Variants in COL28A1 observed in about 807,000 individuals in gnomAD.
COL28A1 encodes the protein collagen type XXVIII alpha 1 chain.
A neutral mutation model predicts 150.2 loss-of-function variants in COL28A1; 161 were observed. That is an observed-to-expected ratio of 1.07 (90% confidence interval 0.94 to 1.22). The LOEUF (loss-of-function observed/expected upper bound fraction) is 1.22, where lower values mean the gene tolerates loss of function less well. Among genes scored for constraint, COL28A1 ranks in the 50% most tolerant of loss-of-function variants. The probability of loss-of-function intolerance (pLI) is 0.00; values close to 1 mark genes in which losing one functional copy is unlikely to be tolerated. For synonymous variants in COL28A1, 552 were observed against 469.7 expected (o/e 1.18, Z -2.26); for missense variants, 1,617 against 1,388.3 (o/e 1.16, Z -2.62).
chr7:7,339,246 A>C, the COL28A1 span, among the ~76,000 whole-genome samples: 1 of 152,164 alleles, frequency 6.6e-6, no homozygotes, highest in Non-Finnish European at 1.5e-5. Flanking sequence ...TCCCAGCTAA[A>C]TTAATTGAAA....
At chr7:7,387,482 T>C (rs752685184) in intron 27 of COL28A1, among the ~76,000 whole-genome samples, 2 of 152,170 alleles carry the variant, frequency 1.3e-5, no homozygotes, top group Non-Finnish European at 2.9e-5. Context: ...TGTACTGTGT[T>C]ATATAAGAGA....
At chr7:7,387,828 G>T (rs1042521232) in intron 27 of COL28A1, among the ~76,000 whole-genome samples, 7 of 152,134 alleles carry the variant, frequency 4.6e-5, no homozygotes, top group African/African-American at 1.7e-4. Flanking sequence ...AAGCATATGA[G>T]TATACAGGTA....
chr7:7,371,760 G>C (rs534609218), intron 32 of COL28A1, among the ~76,000 whole-genome samples: 1 of 152,328 alleles, frequency 6.6e-6, no homozygotes, highest in South Asian at 2.1e-4. Flanking sequence ...GTAAATATCA[G>C]TTAATGTGAA....
Position 7,532,782 on chromosome 7 carries a change from T to G in COL28A1, c.94A>C (p.Asn32His). ...ACATCACTTTTCCTTGCAAGCAAAT[T>G]TGATTTTGGTCCTTTCTTTCTTTGT... ...SGQRKKGPKS[N>H]LLARKSDVQG... Residue 32 changes from asparagine to histidine, a missense_variant, in exon 2 of 35, where the codon AAT (asparagine) becomes CAT (histidine). Transcript: ENST00000399429. 2 of 1,611,830 alleles carry G rather than the reference T, an allele frequency of 1.2e-6. No individual in the cohort carries two copies. Among genetic ancestry groups the G allele is most frequent in the Non-Finnish European group, 1.7e-6 (2 of 1,179,180 alleles).
chr7:7,511,798 T>C, intron 8 of COL28A1: 1 of 471,078 alleles, frequency 2.1e-6, no homozygotes, highest in Non-Finnish European at 4.4e-6. Context: ...GCATGCTACA[T>C]ATTTTTCATT....
intron 13 of COL28A1, among the ~76,000 whole-genome samples, chr7:7,488,198 T>A (rs1017870655): frequency 6.6e-6 from 1 of 152,250 alleles, no homozygotes; most frequent in African/African-American, 2.4e-5. Context: ...TAGTGGTTTA[T>A]CTTTAATGGT....
chr7:7,338,394 T>C, the COL28A1 span, among the ~76,000 whole-genome samples: 1 of 152,144 alleles, frequency 6.6e-6, no homozygotes, highest in African/African-American at 2.4e-5. Context: ...TCGTTCTCCT[T>C]GTAAAGATCT....
In COL28A1 at chr7:7,437,353, A is replaced by T. The variant is rs1370861763; in HGVS notation, c.1791+41T>A. ...CATGATTTTTTTTTCTCCAACTGCC[A>T]AAGGGTCAAGAAAAAGAAAATAATC... On this transcript the variant is annotated intron_variant, in intron 22 of 34. Coordinates refer to ENST00000399429, the MANE Select transcript of COL28A1 (RefSeq NM_001037763.3). 9.5e-6 allele frequency: 15 copies of T among 1,575,380 alleles called. No homozygotes were observed. In the East Asian group the frequency reaches 3.4e-4, roughly 36 times the overall value.
At chr7:7,429,342 G>A (rs1279147379) in intron 25 of COL28A1, among the ~76,000 whole-genome samples, 1 of 152,006 alleles carries the variant, frequency 6.6e-6, no homozygotes, top group Admixed American at 6.6e-5. Context: ...ACTTTACCAA[G>A]CAAGAAGGGC....
chr7:7,514,841 G>C (rs1334268495), intron 8 of COL28A1, among the ~76,000 whole-genome samples: 1 of 152,036 alleles, frequency 6.6e-6, no homozygotes, highest in Non-Finnish European at 1.5e-5. Flanking sequence ...CCCGCTACAT[G>C]ACCTCTCCTG....
intron 15 of COL28A1, among the ~76,000 whole-genome samples, chr7:7,474,047 CTATA>C (rs1322074985): frequency 7.5e-6 from 1 of 133,884 alleles, no homozygotes; most frequent in East Asian, 2.1e-4. Flanking sequence ...TATATATATA[CTATA>C]TACTCTATAT....
chr7:7,388,477 G>T (rs1370962711), intron 27 of COL28A1, among the ~76,000 whole-genome samples: 2 of 152,144 alleles, frequency 1.3e-5, no homozygotes, highest in Non-Finnish European at 2.9e-5. Context: ...ACATGTGGGT[G>T]CATGTGTCTT....
At chr7:7,380,717 A>G (rs746709795) in intron 29 of COL28A1, 22 bp from the exon 30 acceptor site, 2 of 1,613,488 alleles carry the variant, frequency 1.2e-6, no homozygotes, top group East Asian at 2.2e-5. Flanking sequence ...AAGAAGAGTA[A>G]AAGTCAATAT....
At chr7:7,457,214 G>A (rs1481251292) in intron 15 of COL28A1, among the ~76,000 whole-genome samples, 1 of 152,116 alleles carries the variant, frequency 6.6e-6, no homozygotes, top group Non-Finnish European at 1.5e-5. Context: ...GGAAGTGAGA[G>A]ATCTGACTTG....
chr7:7,362,866 TTTTA>T (rs764678775), intron 33 of COL28A1, among the ~76,000 whole-genome samples: 108 of 152,188 alleles, frequency 7.1e-4, no homozygotes, highest in Non-Finnish European at 1.3e-3. Flanking sequence ...TTATTTTCTT[TTTTA>T]TTTTTTATAG....
At chr7:7,501,031 C>A (rs938059862) in intron 11 of COL28A1, among the ~76,000 whole-genome samples, 1 of 152,172 alleles carries the variant, frequency 6.6e-6, no homozygotes, top group African/African-American at 2.4e-5. Flanking sequence ...TTTACCCTGA[C>A]CATATCCATT....
chr7:7,471,897 A>C (rs1181396222), intron 15 of COL28A1, among the ~76,000 whole-genome samples: 1 of 152,228 alleles, frequency 6.6e-6, no homozygotes, highest in African/African-American at 2.4e-5. Flanking sequence ...CCTGCCTCAA[A>C]AAAACAAAAC....
At chr7:7,478,846 C>T (rs1279053028) in intron 13 of COL28A1, among the ~76,000 whole-genome samples, 1 of 152,226 alleles carries the variant, frequency 6.6e-6, no homozygotes, top group Non-Finnish European at 1.5e-5. Flanking sequence ...AGTGCGGGGC[C>T]CGCCAAGCCC....
chr7:7,346,224 A>AT, the COL28A1 span, among the ~76,000 whole-genome samples: 3,142 of 149,222 alleles, frequency 0.021, 131 homozygotes, highest in African/African-American at 0.073. Flanking sequence ...AGTTTTAATC[A>AT]TTTTTTTTTT....
Sources: allele counts gnomAD v4.1 joint callset (sites outside exome capture counted in the v4.1 genomes callset), GRCh38; gene constraint gnomAD v4.1.1; transcripts MANE v1.5; gene names NCBI Gene and HGNC (gene_info 2026-07-23, HGNC 2026-07-21).